LRRC4C: variants seen among roughly 807,000 people sequenced by gnomAD.
LRRC4C encodes leucine-rich repeat-containing protein 4C.
In LRRC4C, 5 loss-of-function variants were observed where a neutral mutation model predicts 33.6. The observed-to-expected ratio is 0.15, with a 90% confidence interval of 0.08 to 0.31. The LOEUF is 0.31. Ranked by LOEUF, LRRC4C falls within the 10% of genes least tolerant of loss-of-function variation. The probability of loss-of-function intolerance (pLI) is 1.00; values close to 1 mark genes in which losing one functional copy is unlikely to be tolerated. For missense variants in LRRC4C, 560 were observed against 796.7 expected, an observed-to-expected ratio of 0.70 and a Z score of 3.58; for synonymous variants, 329 against 302.0, an observed-to-expected ratio of 1.09 and a Z score of -0.93.
At chr11:41,227,596 C>T (rs1947599586) in intron 1 of LRRC4C, among the ~76,000 whole-genome samples, 1 of 152,094 alleles carries the variant, frequency 6.6e-6, no homozygotes, top group African/African-American at 2.4e-5. Context: ...AACTCCTAGA[C>T]TCAAGGGATC....
chr11:41,292,605 G>C (rs1337642333), intron 1 of LRRC4C, among the ~76,000 whole-genome samples: 1 of 151,758 alleles, frequency 6.6e-6, no homozygotes, highest in Non-Finnish European at 1.5e-5. Context: ...TCTTGTATTA[G>C]AGACTTACCA....
chr11:40,837,241 T>C (rs1368411816), intron 2 of LRRC4C, among the ~76,000 whole-genome samples: 1 of 152,134 alleles, frequency 6.6e-6, no homozygotes, highest in Non-Finnish European at 1.5e-5. Context: ...ATTTCAAAGA[T>C]TCATTTCAGG....
intron 2 of LRRC4C, among the ~76,000 whole-genome samples, chr11:40,869,943 T>C (rs2135930107): frequency 6.6e-6 from 1 of 152,248 alleles, no homozygotes; most frequent in African/African-American, 2.4e-5. Context: ...TCTAATTCTT[T>C]CTTCTGAGAA....
chr11:40,318,984 C>T (rs550379698), intron 4 of LRRC4C, among the ~76,000 whole-genome samples: 2 of 152,262 alleles, frequency 1.3e-5, no homozygotes, highest in South Asian at 4.1e-4. Flanking sequence ...GCCTCCATTA[C>T]CCAGGAGAAA....
chr11:40,119,372 C>T (rs1260272348), intron 6 of LRRC4C, among the ~76,000 whole-genome samples: 1 of 152,024 alleles, frequency 6.6e-6, no homozygotes, highest in Non-Finnish European at 1.5e-5. Flanking sequence ...TTTTTTCCCC[C>T]AGCCTTCTAA....
intron 2 of LRRC4C, among the ~76,000 whole-genome samples, chr11:40,742,216 T>A (rs1446270788): frequency 1.3e-5 from 2 of 151,996 alleles, no homozygotes; most frequent in Non-Finnish European, 1.5e-5. Flanking sequence ...CTTTGAGGCA[T>A]CATTGAGATT....
chr11:40,157,293 A>G (rs1288378792), intron 5 of LRRC4C, among the ~76,000 whole-genome samples: 1 of 152,204 alleles, frequency 6.6e-6, no homozygotes, highest in Non-Finnish European at 1.5e-5. Context: ...CTAAGACCTG[A>G]AACTATAAAA....
intron 2 of LRRC4C, among the ~76,000 whole-genome samples, chr11:40,864,283 G>T (rs868809480): frequency 6.6e-6 from 1 of 152,156 alleles, no homozygotes. Flanking sequence ...TGGCCAGGCT[G>T]GTCTTGAACT....
In LRRC4C at chr11:41,396,450, CT is replaced by C. The variant is rs573276425; in HGVS notation, c.-496+62980del. Among the ~76,000 whole-genome samples, 675 of 151,826 alleles carry C rather than the reference CT, an allele frequency of 4.4e-3. 3 individuals are homozygous for C. Among genetic ancestry groups the C allele is most frequent in the African/African-American group, 0.014 (584 of 41,454 alleles). The stretch of plus-strand genomic sequence containing the variant: ...GTCCTTGGCCTATATTTCATGTATT[CT>C]TTTTTTTCTTTTATAGTTATTGTCT... On this transcript the variant is annotated intron_variant, in intron 1 of 6. Transcript: ENST00000528697.
At chr11:40,581,058 C>A (rs938531212) in intron 3 of LRRC4C, among the ~76,000 whole-genome samples, 1 of 151,928 alleles carries the variant, frequency 6.6e-6, no homozygotes, top group East Asian at 1.9e-4. Flanking sequence ...ATTTATCAAG[C>A]CTGGTCTTCT....
chr11:40,480,892 A>G (rs1316980876), intron 3 of LRRC4C, among the ~76,000 whole-genome samples: 3 of 151,994 alleles, frequency 2.0e-5, no homozygotes, highest in East Asian at 3.9e-4. Context: ...AAACTCATAG[A>G]AGCAGAGAGA....
At chr11:40,497,463 T>G (rs906915124) in intron 3 of LRRC4C, among the ~76,000 whole-genome samples, 1 of 152,086 alleles carries the variant, frequency 6.6e-6, no homozygotes. Flanking sequence ...AGCACATCGT[T>G]TTCATGGATA....
intron 3 of LRRC4C, among the ~76,000 whole-genome samples, chr11:40,584,734 A>G (rs2135679318): frequency 6.6e-6 from 1 of 151,912 alleles, no homozygotes; most frequent in South Asian, 2.1e-4. Flanking sequence ...GAGTTGAAGA[A>G]CAGCCTGGCC....
chr11:40,928,565 T>G (rs891134812), intron 2 of LRRC4C, among the ~76,000 whole-genome samples: 1 of 152,064 alleles, frequency 6.6e-6, no homozygotes, highest in Non-Finnish European at 1.5e-5. Flanking sequence ...ATTGAATATT[T>G]ACTCTGTGGC....
chr11:40,306,217 G>T (rs1945022181), intron 4 of LRRC4C, among the ~76,000 whole-genome samples: 1 of 152,144 alleles, frequency 6.6e-6, no homozygotes. Context: ...TTCCTATAAA[G>T]ATTTAGTTAT....
intron 5 of LRRC4C, among the ~76,000 whole-genome samples, chr11:40,195,893 A>C (rs1430148510): frequency 6.6e-6 from 1 of 152,226 alleles, no homozygotes; most frequent in African/African-American, 2.4e-5. Context: ...AAGGTGTGGC[A>C]ATTTGTCAAA....
intron 2 of LRRC4C, among the ~76,000 whole-genome samples, chr11:40,765,293 C>T (rs1206244780): frequency 6.6e-6 from 1 of 151,978 alleles, no homozygotes; most frequent in African/African-American, 2.4e-5. Flanking sequence ...TGTGTAATAC[C>T]TCTCCCCTCT....
intron 3 of LRRC4C, among the ~76,000 whole-genome samples, chr11:40,530,621 A>T (rs970582530): frequency 6.6e-6 from 1 of 152,204 alleles, no homozygotes; most frequent in African/African-American, 2.4e-5. Context: ...GCCAAGTAGC[A>T]ACTCATGGAT....
intron 2 of LRRC4C, among the ~76,000 whole-genome samples, chr11:40,699,075 C>A (rs1945729936): frequency 6.6e-6 from 1 of 152,174 alleles, no homozygotes; most frequent in African/African-American, 2.4e-5. Flanking sequence ...TCCCACCACA[C>A]ACATACATAA....
Sources: allele counts gnomAD v4.1 joint callset (sites outside exome capture counted in the v4.1 genomes callset), GRCh38; gene constraint gnomAD v4.1.1; transcripts MANE v1.5; gene names NCBI Gene and HGNC (gene_info 2026-07-23, HGNC 2026-07-21).